The following OPCML variants were observed in gnomAD, a reference collection of about 807,000 sequenced individuals.
OPCML encodes the protein opioid-binding protein/cell adhesion molecule.
A neutral mutation model predicts 37.8 loss-of-function variants in OPCML; 13 were observed. The ratio of observed to expected loss-of-function variants is 0.34; its 90% CI spans 0.22 to 0.55. The LOEUF (loss-of-function observed/expected upper bound fraction) is 0.55. OPCML is among the 20% of genes least tolerant of loss of function. The pLI is 0.91. For synonymous variants in OPCML, 176 were observed against 168.8 expected (o/e 1.04, Z -0.33); for missense variants, 341 against 435.6 (o/e 0.78, Z 1.93).
At chr11:133,024,798 C>T in intron 1 of OPCML, 1 of 985,266 alleles carries the variant, frequency 1.0e-6, no homozygotes, top group Non-Finnish European at 1.2e-6. Flanking sequence ...ATGACTCTCC[C>T]AGGACTCAGT....
At position 132,943,348 on chromosome 11, in the gene OPCML, T is replaced by A; in HGVS notation, c.62-338A>T. On this transcript the variant is annotated intron_variant, in intron 1 of 7. Transcript: ENST00000524381. This position sits in a 1 kb window ranked among gnomAD's most constrained non-coding sequence, Gnocchi z 4.3. The stretch of plus-strand genomic sequence containing the variant: ...AAAAAGAGCTTTCTTGACGCTCCCC[T>A]GGGGAGGAGGGAGGCGGCCAGGAGG... The A allele has an allele frequency of 1.8e-6, 1 of 548,598 alleles. No individual in the cohort carries two copies. Among genetic ancestry groups the A allele is most frequent in the Non-Finnish European group, 3.2e-6 (1 of 311,642 alleles). The allele number at this position is 548,598 out of a possible 1,614,324, so 34.0% of individuals were successfully genotyped here. A position where few individuals can be genotyped will look rare whatever the true frequency, so the allele number is the denominator to read the frequency against.
intron 3 of OPCML, among the ~76,000 whole-genome samples, chr11:132,628,892 T>C (rs533815947): frequency 6.6e-6 from 1 of 152,270 alleles, no homozygotes; most frequent in African/African-American, 2.4e-5. Flanking sequence ...ATGTGTTTAC[T>C]TCCCCTTCCG....
intron 1 of OPCML, among the ~76,000 whole-genome samples, chr11:133,412,557 G>A (rs765479280): frequency 6.6e-6 from 1 of 152,186 alleles, no homozygotes; most frequent in Non-Finnish European, 1.5e-5. Flanking sequence ...CATCTGAGGG[G>A]TTTTTTGAGA....
chr11:132,512,416 C>A (rs1006134425), intron 4 of OPCML, among the ~76,000 whole-genome samples: 4 of 151,936 alleles, frequency 2.6e-5, no homozygotes, highest in Admixed American at 2.6e-4. Flanking sequence ...GTGTTTATAG[C>A]AGCTTTACTC....
At chr11:132,969,439 A>G (rs771821574) in intron 1 of OPCML, among the ~76,000 whole-genome samples, 1 of 152,032 alleles carries the variant, frequency 6.6e-6, no homozygotes, top group African/African-American at 2.4e-5. Flanking sequence ...GAGTTTGTTA[A>G]GTTTATTAGA....
intron 4 of OPCML, among the ~76,000 whole-genome samples, chr11:132,441,715 G>C (rs1230055652): frequency 6.6e-6 from 1 of 152,176 alleles, no homozygotes; most frequent in Non-Finnish European, 1.5e-5. Flanking sequence ...TGGAAAGAGT[G>C]CCTCAAAGAA....
chr11:133,299,047 C>T (rs1045996850), intron 1 of OPCML: 3 of 152,042 alleles, frequency 2.0e-5, no homozygotes, highest in African/African-American at 7.2e-5. Flanking sequence ...CTATTTGTAG[C>T]TTTTTAATGA....
intron 1 of OPCML, among the ~76,000 whole-genome samples, chr11:133,029,588 AG>A (rs1947627928): frequency 6.6e-6 from 1 of 152,198 alleles, no homozygotes; most frequent in South Asian, 2.1e-4. Context: ...ATGCAGCTGG[AG>A]GCCATTCTCC....
At chr11:133,302,986 A>T (rs1942817207) in intron 1 of OPCML, among the ~76,000 whole-genome samples, 1 of 152,178 alleles carries the variant, frequency 6.6e-6, no homozygotes, top group Non-Finnish European at 1.5e-5. Flanking sequence ...AAATGCCAAG[A>T]TTTTCCATTG....
At chr11:132,825,768 T>C (rs752786908) in intron 2 of OPCML, among the ~76,000 whole-genome samples, 1 of 152,160 alleles carries the variant, frequency 6.6e-6, no homozygotes, top group Non-Finnish European at 1.5e-5. Flanking sequence ...AGAATGTCTG[T>C]TAGTTTAACA....
At chr11:132,488,570 T>C (rs1406248026) in intron 4 of OPCML, among the ~76,000 whole-genome samples, 5 of 152,230 alleles carry the variant, frequency 3.3e-5, no homozygotes, top group Non-Finnish European at 1.5e-5. Flanking sequence ...GAAGTTCCTC[T>C]GGGAGTCAGT....
chr11:132,860,952 G>A (rs572740995), intron 2 of OPCML, among the ~76,000 whole-genome samples: 1 of 152,184 alleles, frequency 6.6e-6, no homozygotes, highest in African/African-American at 2.4e-5. Flanking sequence ...ATTTAAGTGC[G>A]AAGAGATTTG....
chr11:133,225,858 A>G (rs746732504), intron 1 of OPCML, among the ~76,000 whole-genome samples: 30 of 152,244 alleles, frequency 2.0e-4, no homozygotes, highest in Non-Finnish European at 2.8e-4. Flanking sequence ...TGGAAACAAC[A>G]CGTAGTAACT....
intron 1 of OPCML, among the ~76,000 whole-genome samples, chr11:133,381,431 G>A (rs956417865): frequency 6.6e-6 from 1 of 152,228 alleles, no homozygotes; most frequent in African/African-American, 2.4e-5. Context: ...GGAGCAGAGT[G>A]TGTTTGGGAT....
At chr11:133,472,242 G>C (rs1000328652) in intron 1 of OPCML, among the ~76,000 whole-genome samples, 2 of 152,110 alleles carry the variant, frequency 1.3e-5, no homozygotes, top group Non-Finnish European at 2.9e-5. Context: ...GCCTTTGCCT[G>C]GTGAAACTTT....
At chr11:133,194,108 C>G (rs556673820) in intron 1 of OPCML, among the ~76,000 whole-genome samples, 1 of 151,788 alleles carries the variant, frequency 6.6e-6, no homozygotes, top group Non-Finnish European at 1.5e-5. Context: ...GCTAATATAC[C>G]TTGATGTAAC....
chr11:132,629,950 A>G (rs1187671071), intron 3 of OPCML, among the ~76,000 whole-genome samples: 2 of 152,230 alleles, frequency 1.3e-5, no homozygotes, highest in Non-Finnish European at 2.9e-5. Flanking sequence ...AAATAATCTA[A>G]TCCACTTAGT....
chr11:132,712,400 T>G (rs1012626169), intron 2 of OPCML, among the ~76,000 whole-genome samples: 1 of 151,628 alleles, frequency 6.6e-6, no homozygotes, highest in East Asian at 1.9e-4. Flanking sequence ...TCCCCCTCGG[T>G]GGAAGAGCTG....
At chr11:132,944,140 A>G (rs1185447834) in intron 1 of OPCML, among the ~76,000 whole-genome samples, 1 of 150,522 alleles carries the variant, frequency 6.6e-6, no homozygotes, top group Non-Finnish European at 1.5e-5. Context: ...CACCCGCGCC[A>G]GCGGAGAGAA....
Sources: allele counts gnomAD v4.1 joint callset (sites outside exome capture counted in the v4.1 genomes callset), GRCh38; gene constraint gnomAD v4.1.1; non-coding constraint Gnocchi (gnomAD v3.1); transcripts MANE v1.5; gene names NCBI Gene and HGNC (gene_info 2026-07-23, HGNC 2026-07-21).